Variants in NDUFA10 observed in about 807,000 individuals in gnomAD.
NDUFA10 encodes NADH dehydrogenase [ubiquinone] 1 alpha subcomplex subunit 10, mitochondrial.
A neutral mutation model predicts 47.8 loss-of-function variants in NDUFA10; 40 were observed. That is an observed-to-expected ratio of 0.84 (90% CI 0.65 to 1.09). The LOEUF (loss-of-function observed/expected upper bound fraction) is 1.09, where lower values mean the gene tolerates loss of function less well. NDUFA10 is among the 50% of genes least tolerant of loss of function. The pLI is 0.00. For missense variants in NDUFA10, 413 were observed against 451.1 expected, an observed-to-expected ratio of 0.92 and a Z score of 0.76; for synonymous variants, 183 against 172.2, an observed-to-expected ratio of 1.06 and a Z score of -0.49.
At chr2:239,989,649 G>A (rs533442700) in intron 9 of NDUFA10, among the ~76,000 whole-genome samples, 6 of 152,208 alleles carry the variant, frequency 3.9e-5, no homozygotes, top group Non-Finnish European at 8.8e-5. Context: ...TTCCACCCTC[G>A]CTGTCTGTCC....
rs146757033 is a variant in NDUFA10 at position 239,926,436 on chromosome 2, G to A, written c.295-31122C>T. On this transcript the variant is annotated intron_variant, in intron 4 of 5. Transcript: ENST00000419408. Reference sequence around the variant, plus strand: ...GACACTGTAGCCAGCATATGTCATAGCTTGTCTGTGATGAGGCTGGTGTAA... The same window carrying A: ...GACACTGTAGCCAGCATATGTCATAACTTGTCTGTGATGAGGCTGGTGTAA... Among the ~76,000 whole-genome samples, 314 of 152,324 alleles carry A rather than the reference G, an allele frequency of 2.1e-3. 1 individual carries two copies. The highest frequency in any genetic ancestry group is 0.01 in the Middle Eastern group (3 of 294).
intron 9 of NDUFA10, chr2:239,973,634 C>G (rs1695392695): frequency 2.1e-6 from 1 of 469,774 alleles, no homozygotes; most frequent in Admixed American, 2.4e-5. Context: ...TTAACAGCAT[C>G]TGGCTTCCTT....
At chr2:239,927,734 G>A (rs549261302) in intron 4 of NDUFA10, among the ~76,000 whole-genome samples, 1 of 152,336 alleles carries the variant, frequency 6.6e-6, no homozygotes, top group East Asian at 1.9e-4. Flanking sequence ...GTGGGGCAAG[G>A]GGAGGAGCCT....
intron 4 of NDUFA10, among the ~76,000 whole-genome samples, chr2:239,940,676 AG>A (rs1559299208): frequency 6.6e-6 from 1 of 152,258 alleles, no homozygotes; most frequent in Non-Finnish European, 1.5e-5. Context: ...GGAAGGTATC[AG>A]ACAGATGTTA....
intron 9 of NDUFA10, among the ~76,000 whole-genome samples, chr2:239,977,475 C>G (rs1204625534): frequency 2.6e-5 from 4 of 152,164 alleles, no homozygotes; most frequent in Admixed American, 1.3e-4. Flanking sequence ...GCCCTTCACG[C>G]AGGTGAGAGG....
rs1172546655 is a variant in NDUFA10 at position 240,021,088 on chromosome 2, T to C, written c.460+109A>G. 4.6e-6 allele frequency: 4 copies of C among 875,600 alleles called. No individual in the cohort carries two copies. The African/African-American group carries it at 6.7e-5, about 15-fold the overall frequency. The allele number at this position is 875,600 out of a possible 1,614,324, so 54.2% of individuals were successfully genotyped here. The stretch of plus-strand genomic sequence containing the variant: ...TCTTGTTGGAAAGACAGAACTCACC[T>C]CATCAAACACCCTTAAAGGAAAGCT... On this transcript the variant is annotated intron_variant, in intron 3 of 9. Transcript: ENST00000252711.
intron 2 of NDUFA10, among the ~76,000 whole-genome samples, chr2:240,021,862 T>C (rs914579612): frequency 6.6e-6 from 1 of 152,178 alleles, no homozygotes; most frequent in East Asian, 1.9e-4. Flanking sequence ...TTTCAGAGGC[T>C]GTCACAAAGT....
rs73009353 is a variant in NDUFA10, at chr2:240,004,361, T to C, written c.890+849A>G. ...GGTATGGTTTTTGTTTTTCATTTAA[T>C]AGATACCAAAGAATCCACACAATAG... On this transcript the variant is annotated intron_variant, in intron 8 of 9. Coordinates refer to ENST00000252711, the MANE Select transcript of NDUFA10 (RefSeq NM_004544.4). Among the ~76,000 whole-genome samples, 449 of 152,278 alleles carry C rather than the reference T, an allele frequency of 2.9e-3. 1 individual carries two copies. Among genetic ancestry groups the C allele is most frequent in the Non-Finnish European group, 4.5e-3 (306 of 68,016 alleles).
chr2:239,982,510 G>A (rs1222658312), intron 9 of NDUFA10, among the ~76,000 whole-genome samples: 7 of 152,194 alleles, frequency 4.6e-5, no homozygotes, highest in Non-Finnish European at 7.3e-5. Flanking sequence ...TGGCCTCTGC[G>A]AGTTGAGGTG....
chr2:240,003,715 TCTC>T (rs1696823416), intron 8 of NDUFA10, among the ~76,000 whole-genome samples: 1 of 152,134 alleles, frequency 6.6e-6, no homozygotes, highest in Non-Finnish European at 1.5e-5. Context: ...TCCAGATACA[TCTC>T]CTGAGTGCAC....
intron 5 of NDUFA10, chr2:240,014,277 C>T: frequency 3.8e-6 from 1 of 263,208 alleles, no homozygotes; most frequent in Non-Finnish European, 7.5e-6. Flanking sequence ...CACTGCTCTA[C>T]TGTTCTAGAA....
chr2:239,923,122 C>A (rs1446167616), intron 4 of NDUFA10, among the ~76,000 whole-genome samples: 1 of 152,194 alleles, frequency 6.6e-6, no homozygotes, highest in African/African-American at 2.4e-5. Context: ...CAAGAAGACA[C>A]AGCAATCCAA....
At chr2:240,008,936 T>A (rs1187457229) in intron 6 of NDUFA10, among the ~76,000 whole-genome samples, 2 of 152,202 alleles carry the variant, frequency 1.3e-5, no homozygotes, top group African/African-American at 4.8e-5. Flanking sequence ...CTGCCTCTCA[T>A]TCCCACTGCC....
chr2:240,008,461 T>C (rs748851353), intron 6 of NDUFA10, among the ~76,000 whole-genome samples: 23 of 152,222 alleles, frequency 1.5e-4, no homozygotes, highest in East Asian at 3.8e-4. Flanking sequence ...CAGCTACCCA[T>C]TGTTAATACG....
At chr2:239,994,595 C>T (rs1427391634) in intron 8 of NDUFA10, among the ~76,000 whole-genome samples, 1 of 152,024 alleles carries the variant, frequency 6.6e-6, no homozygotes, top group African/African-American at 2.4e-5. Flanking sequence ...ATAAATGTAA[C>T]GCACTTGAAT....
At chr2:239,898,727 C>G (rs1298984552) in intron 4 of NDUFA10, among the ~76,000 whole-genome samples, 1 of 152,264 alleles carries the variant, frequency 6.6e-6, no homozygotes, top group African/African-American at 2.4e-5. Flanking sequence ...ATGCAGGTGT[C>G]AACTCTGCAT....
At chr2:240,007,417 G>T (rs767095676) in intron 6 of NDUFA10, 47 bp from the exon 7 acceptor site, 1 of 1,324,886 alleles carries the variant, frequency 7.5e-7, no homozygotes, top group Non-Finnish European at 1.1e-6. Context: ...TTTCCAAGCT[G>T]AAGTTAAATG....
chr2:239,913,352 C>T (rs374080075), intron 4 of NDUFA10, among the ~76,000 whole-genome samples: 14 of 152,318 alleles, frequency 9.2e-5, no homozygotes, highest in East Asian at 3.9e-4. Flanking sequence ...TGTGCGGGCT[C>T]GTTGCTCGGC....
chr2:239,948,471 T>C (rs1291426300), intron 4 of NDUFA10, among the ~76,000 whole-genome samples: 1 of 152,220 alleles, frequency 6.6e-6, no homozygotes, highest in Non-Finnish European at 1.5e-5. Context: ...TCACTTGACG[T>C]TGTTCAGGGT....
Sources: gnomAD v4.1 joint callset for allele counts (sites outside exome capture counted in the v4.1 genomes callset) on GRCh38, gnomAD v4.1.1 for gene constraint, MANE v1.5 for transcripts, NCBI Gene and HGNC (gene_info 2026-07-23, HGNC 2026-07-21) for gene names.